The following SCHIP1 variants were observed in gnomAD, a reference collection of about 807,000 sequenced individuals.
The protein encoded by SCHIP1 is schwannomin interacting protein 1, also known as schwannomin-interacting protein 1.
In SCHIP1, 8 loss-of-function variants were observed where a neutral mutation model predicts 29.7. The observed-to-expected ratio is 0.27, with a 90% confidence interval of 0.16 to 0.49. The LOEUF (loss-of-function observed/expected upper bound fraction) is 0.49, where lower values mean the gene tolerates loss of function less well. SCHIP1 is among the 20% of genes least tolerant of loss of function. The pLI is 0.99. For missense variants in SCHIP1, 193 were observed against 294.6 expected, an observed-to-expected ratio of 0.66 and a Z score of 2.52; for synonymous variants, 76 against 94.9, an observed-to-expected ratio of 0.80 and a Z score of 1.16.
the SCHIP1 span, among the ~76,000 whole-genome samples, chr3:159,364,774 G>A: frequency 2.0e-3 from 298 of 152,244 alleles, 2 homozygotes; most frequent in Middle Eastern, 3.4e-3. Context: ...TCCTCCACTT[G>A]ACTAATTCAT....
chr3:159,609,856 C>T, the SCHIP1 span, among the ~76,000 whole-genome samples: 1 of 151,822 alleles, frequency 6.6e-6, no homozygotes, highest in East Asian at 1.9e-4. Flanking sequence ...ATTTGCTAAG[C>T]GATGGAAAAC....
chr3:159,779,506 CAAA>C, the SCHIP1 span, among the ~76,000 whole-genome samples: 9,231 of 129,072 alleles, frequency 0.072, 917 homozygotes, highest in African/African-American at 0.23. Flanking sequence ...CTGTCTCTAC[CAAA>C]AAAAAAAAAA....
At chr3:159,571,501 G>C in the SCHIP1 span, among the ~76,000 whole-genome samples, 5 of 152,146 alleles carry the variant, frequency 3.3e-5, no homozygotes, top group African/African-American at 7.2e-5. Context: ...TGGTGGATAA[G>C]CTTTTGATGT....
the SCHIP1 span, among the ~76,000 whole-genome samples, chr3:159,561,081 A>G: frequency 6.6e-6 from 1 of 151,522 alleles, no homozygotes; most frequent in South Asian, 2.1e-4. Context: ...AGTGTTTTTT[A>G]TGATATTTGT....
intron 1 of SCHIP1, among the ~76,000 whole-genome samples, chr3:159,857,621 C>T (rs1479076971): frequency 1.3e-5 from 2 of 152,038 alleles, no homozygotes; most frequent in Admixed American, 6.6e-5. Context: ...CTCTGACAAC[C>T]GCTAATTTAC....
chr3:159,347,048 C>G, the SCHIP1 span, among the ~76,000 whole-genome samples: 4 of 152,128 alleles, frequency 2.6e-5, no homozygotes, highest in Non-Finnish European at 4.4e-5. Flanking sequence ...TCACATCTCA[C>G]TGGCTTCATG....
At chr3:159,886,251 G>C (rs372602367) in exon 3 of SCHIP1, 9 of 1,614,116 alleles carry the variant, frequency 5.6e-6, no homozygotes, top group Non-Finnish European at 7.6e-6. Context: ...GTCAACGACA[G>C]TGGCAGTGAT....
At chr3:159,735,654 A>C in the SCHIP1 span, among the ~76,000 whole-genome samples, 2 of 152,200 alleles carry the variant, frequency 1.3e-5, no homozygotes, top group African/African-American at 4.8e-5. Flanking sequence ...CCTTACTTGC[A>C]ATGAGTCTGT....
chr3:159,356,885 A>G, the SCHIP1 span, among the ~76,000 whole-genome samples: 2 of 152,360 alleles, frequency 1.3e-5, no homozygotes, highest in East Asian at 3.9e-4. Flanking sequence ...CATGCAAAAG[A>G]GAGAGCAGTT....
chr3:159,311,854 G>A, the SCHIP1 span, among the ~76,000 whole-genome samples: 4 of 152,098 alleles, frequency 2.6e-5, no homozygotes, highest in Non-Finnish European at 4.4e-5. Context: ...AAGGAGATAA[G>A]GTGGCTTATA....
At chr3:159,331,175 TG>T in the SCHIP1 span, among the ~76,000 whole-genome samples, 1 of 152,052 alleles carries the variant, frequency 6.6e-6, no homozygotes, top group Non-Finnish European at 1.5e-5. Context: ...AGATTTCCAC[TG>T]GGGGGCCACT....
chr3:159,653,370 A>G, the SCHIP1 span, among the ~76,000 whole-genome samples: 1 of 152,230 alleles, frequency 6.6e-6, no homozygotes, highest in African/African-American at 2.4e-5. Flanking sequence ...TAAATAAAGA[A>G]AATGTGGCAC....
the SCHIP1 span, among the ~76,000 whole-genome samples, chr3:159,788,018 A>G: frequency 1.3e-5 from 2 of 152,232 alleles, no homozygotes; most frequent in African/African-American, 4.8e-5. Context: ...TGGAATTGCT[A>G]TCCTAGAGGT....
At chr3:159,307,957 G>A in the SCHIP1 span, among the ~76,000 whole-genome samples, 1 of 152,112 alleles carries the variant, frequency 6.6e-6, no homozygotes, top group South Asian at 2.1e-4. Context: ...CCAGTACCAA[G>A]CTGTTTTGGT....
chr3:159,318,241 A>G, the SCHIP1 span, among the ~76,000 whole-genome samples: 1 of 152,148 alleles, frequency 6.6e-6, no homozygotes, highest in Non-Finnish European at 1.5e-5. Flanking sequence ...AGGCACTCAC[A>G]TGGCATACAA....
At chr3:159,360,154 G>A in the SCHIP1 span, among the ~76,000 whole-genome samples, 1 of 152,176 alleles carries the variant, frequency 6.6e-6, no homozygotes, top group Non-Finnish European at 1.5e-5. Context: ...ATCATAAGGA[G>A]CCCAGGGACC....
At chr3:159,755,823 A>G in the SCHIP1 span, among the ~76,000 whole-genome samples, 78 of 152,362 alleles carry the variant, frequency 5.1e-4, no homozygotes, top group African/African-American at 1.8e-3. Flanking sequence ...CAAAGGGTCT[A>G]CAGGCCCCAT....
the SCHIP1 span, among the ~76,000 whole-genome samples, chr3:159,551,307 C>T: frequency 7.7e-3 from 1,170 of 152,212 alleles, 16 homozygotes; most frequent in African/African-American, 0.027. Flanking sequence ...AAAGAGTATG[C>T]CAAACTATAT....
At chr3:159,696,617 C>G in the SCHIP1 span, among the ~76,000 whole-genome samples, 1 of 152,188 alleles carries the variant, frequency 6.6e-6, no homozygotes, top group Non-Finnish European at 1.5e-5. Context: ...GCAACTTAGA[C>G]AAGTTTTCTA....
Sources: allele counts gnomAD v4.1 joint callset (sites outside exome capture counted in the v4.1 genomes callset), GRCh38; gene constraint gnomAD v4.1.1; transcripts MANE v1.5; gene names NCBI Gene and HGNC (gene_info 2026-07-23, HGNC 2026-07-21).